Variants in SINHCAF observed in about 807,000 individuals in gnomAD.
The protein encoded by SINHCAF is SIN3-HDAC complex-associated factor.
SINHCAF carries 3 observed loss-of-function variants against 25.8 expected under a neutral mutation model. That is an observed-to-expected ratio of 0.12 (90% CI 0.05 to 0.30). The LOEUF (loss-of-function observed/expected upper bound fraction) is 0.30, where lower values mean the gene tolerates loss of function less well. Ranked by LOEUF, SINHCAF falls within the 10% of genes least tolerant of loss-of-function variation. The pLI, the probability that SINHCAF is intolerant of heterozygous loss-of-function variation, is 1.00. For missense variants in SINHCAF, 121 were observed against 262.3 expected (o/e 0.46, Z 3.72); for synonymous variants, 70 against 85.5 (o/e 0.82, Z 1.00).
At chr12:31,307,926 T>A (rs574363491) in intron 1 of SINHCAF, among the ~76,000 whole-genome samples, 1 of 152,116 alleles carries the variant, frequency 6.6e-6, no homozygotes, top group Non-Finnish European at 1.5e-5. Context: ...TTTGGGTGTC[T>A]TATTGCTGGG....
chr12:31,310,505 G>C (rs998883561), intron 1 of SINHCAF, among the ~76,000 whole-genome samples: 1 of 152,126 alleles, frequency 6.6e-6, no homozygotes, highest in Non-Finnish European at 1.5e-5. Context: ...ACAGACAAGG[G>C]GAGAAGAGTT....
chr12:31,311,279 T>A lies in SINHCAF; in HGVS notation c.-20-13055A>T, dbSNP rs1218767422. Reference sequence around the variant, plus strand: ...TCATACTGGATTTTCAGGAACAAGATCTGTTAGGGGATCCAACCACACTGT... The same window carrying A: ...TCATACTGGATTTTCAGGAACAAGAACTGTTAGGGGATCCAACCACACTGT... On this transcript the variant is annotated intron_variant, in intron 1 of 5. Transcript: ENST00000337682. Among the ~76,000 whole-genome samples, 4 of 152,302 alleles carry A rather than the reference T, an allele frequency of 2.6e-5. No homozygotes were observed. In the East Asian group the frequency reaches 7.7e-4, roughly 29 times the overall value.
chr12:31,307,545 A>T (rs1257655754), intron 1 of SINHCAF, among the ~76,000 whole-genome samples: 1 of 151,806 alleles, frequency 6.6e-6, no homozygotes. Context: ...ACAGAGCAAG[A>T]CCCTGTCTAA....
chr12:31,289,584 G>A (rs1417157235), intron 4 of SINHCAF, among the ~76,000 whole-genome samples: 1 of 152,170 alleles, frequency 6.6e-6, no homozygotes, highest in Admixed American at 6.5e-5. Context: ...CAGTCATTGT[G>A]CTATAAGGCT....
At chr12:31,296,838 AGAGT>A in intron 2 of SINHCAF, 1 of 259,728 alleles carries the variant, frequency 3.9e-6, no homozygotes, top group East Asian at 1.2e-4. Flanking sequence ...CCTGGGTGAC[AGAGT>A]GAGACTCTGT....
At chr12:31,315,260 G>C (rs1221260175) in intron 1 of SINHCAF, among the ~76,000 whole-genome samples, 1 of 152,224 alleles carries the variant, frequency 6.6e-6, no homozygotes, top group Non-Finnish European at 1.5e-5. Flanking sequence ...GGGTAGAAGA[G>C]AAAAGTTAAT....
At chr12:31,299,231 A>G (rs1035308693) in intron 1 of SINHCAF, among the ~76,000 whole-genome samples, 1 of 152,218 alleles carries the variant, frequency 6.6e-6, no homozygotes, top group South Asian at 2.1e-4. Flanking sequence ...CTAAACTCCA[A>G]TGGACAAGTC....
In SINHCAF at chr12:31,295,288, C is replaced by T. The variant is rs374172339; in HGVS notation, c.174G>A (p.Leu58=). The part of the protein sequence containing the change: ...RSGDICNACV[L]LVKRWKKLPA... ...GCAACTTCTTCCATCTTTTCACAAG[C>T]AGGACACAGGCATTGCAGATGTCTC... The change falls in exon 3 of 6, where the codon CTG becomes CTA. Residue 58 remains leucine, a synonymous_variant. Coordinates refer to ENST00000337682, the MANE Select transcript of SINHCAF (RefSeq NM_001135812.2). 64 of 1,610,094 alleles carry T rather than the reference C, an allele frequency of 4.0e-5. No homozygotes were observed. The highest frequency in any genetic ancestry group is 5.0e-5 in the Non-Finnish European group (59 of 1,178,956).
intron 5 of SINHCAF, among the ~76,000 whole-genome samples, chr12:31,287,053 A>T (rs1252075526): frequency 3.3e-5 from 5 of 152,188 alleles, no homozygotes; most frequent in Admixed American, 3.3e-4. Flanking sequence ...AAATGCTAGG[A>T]TTACAGGTGT....
rs567595058 is a variant in SINHCAF, at chr12:31,291,499, C to A, written c.355+2306G>T. 1.3e-4 allele frequency among the ~76,000 whole-genome samples: 20 copies of A among 152,322 alleles called. No individual in the cohort carries two copies. The South Asian group carries it at 4.1e-3, about 32-fold the overall frequency. ...GAATACAGGGCTGGGCACGGTGGCT[C>A]ACGCCTGAAATCCCAGGACTTTGGG... On this transcript the variant is annotated intron_variant, in intron 4 of 5. Coordinates refer to ENST00000337682, the MANE Select transcript of SINHCAF (RefSeq NM_001135812.2).
chr12:31,315,160 A>G (rs560438108), intron 1 of SINHCAF, among the ~76,000 whole-genome samples: 3 of 152,302 alleles, frequency 2.0e-5, no homozygotes, highest in African/African-American at 7.2e-5. Flanking sequence ...TTAAACAGGA[A>G]AATATGTGCG....
At position 31,308,902 on chromosome 12, in the gene SINHCAF, T is replaced by G. The variant is rs1045046961; in HGVS notation, c.-20-10678A>C. 6.6e-5 allele frequency among the ~76,000 whole-genome samples: 10 copies of G among 151,426 alleles called. No individual in the cohort carries two copies. In the East Asian group the frequency reaches 1.9e-3, roughly 29 times the overall value. ...CAGCACTTTGGGAGGCTGAGGCGGG[T>G]GGATCACTTGAGGTCAGGAGTTCGA... On this transcript the variant is annotated intron_variant, in intron 1 of 5. Coordinates refer to ENST00000337682, the MANE Select transcript of SINHCAF (RefSeq NM_001135812.2).
chr12:31,305,449 A>T (rs1484783065), intron 1 of SINHCAF, among the ~76,000 whole-genome samples: 1 of 152,152 alleles, frequency 6.6e-6, no homozygotes, highest in African/African-American at 2.4e-5. Flanking sequence ...TCTTCCAGTT[A>T]CAATTTCATG....
chr12:31,324,638 G>C lies in SINHCAF; in HGVS notation c.-21+1386C>G. On this transcript the variant is annotated intron_variant, in intron 1 of 5. Transcript: ENST00000337682. This position sits in a 1 kb window ranked among gnomAD's most constrained non-coding sequence, Gnocchi z 5.5. ...GGCCCCGAGCGCCGGGGGCCCGCACGGGCACATGCAGCCCTTTGTTTTCTG... is the reference window on the plus strand; with the variant it reads ...GGCCCCGAGCGCCGGGGGCCCGCACCGGCACATGCAGCCCTTTGTTTTCTG... The C allele has an allele frequency of 3.9e-6, 1 of 253,976 alleles. No individual in the cohort carries two copies. Among genetic ancestry groups the C allele is most frequent in the East Asian group, 1.2e-4 (1 of 8,386 alleles). The allele number at this position is 253,976 out of a possible 1,614,324, so 15.7% of individuals were successfully genotyped here. A position where few individuals can be genotyped will look rare whatever the true frequency, so the allele number is the denominator to read the frequency against.
chr12:31,295,155 A>G (rs1642707769), intron 3 of SINHCAF, 79 bp downstream of exon 3: 1 of 837,196 alleles, frequency 1.2e-6, no homozygotes, highest in Non-Finnish European at 1.9e-6. Context: ...GGGATATATT[A>G]CTTCCTAAAT....
At chr12:31,283,657 A>G (rs985105877) in intron 5 of SINHCAF, among the ~76,000 whole-genome samples, 12 of 152,094 alleles carry the variant, frequency 7.9e-5, no homozygotes, top group African/African-American at 1.4e-4. Flanking sequence ...TGACAACACA[A>G]TGAGAATGCC....
intron 1 of SINHCAF, among the ~76,000 whole-genome samples, chr12:31,315,066 T>A (rs1269295311): frequency 6.6e-6 from 1 of 152,238 alleles, no homozygotes; most frequent in African/African-American, 2.4e-5. Context: ...AGCTTGAGGA[T>A]GCGCACCCAG....
chr12:31,285,169 C>A lies in SINHCAF; in HGVS notation c.507-2298G>T, dbSNP rs189430342. Among the ~76,000 whole-genome samples the A allele has an allele frequency of 2.7e-3, 411 of 152,244 alleles. 2 individuals carry two copies. Among genetic ancestry groups the A allele is most frequent in the African/African-American group, 9.3e-3 (385 of 41,538 alleles). On this transcript the variant is annotated intron_variant, in intron 5 of 5. Coordinates refer to ENST00000337682, the MANE Select transcript of SINHCAF (RefSeq NM_001135812.2). ...TTGGGAGGCCAAGGCGAGCAGATCACCTGAGGTCAGGAGTTCACTATCAGC... is the reference window on the plus strand; with the variant it reads ...TTGGGAGGCCAAGGCGAGCAGATCAACTGAGGTCAGGAGTTCACTATCAGC...
intron 1 of SINHCAF, among the ~76,000 whole-genome samples, chr12:31,323,179 C>T (rs1939772295): frequency 6.6e-6 from 1 of 152,150 alleles, no homozygotes; most frequent in Non-Finnish European, 1.5e-5. Flanking sequence ...TCACGCATAC[C>T]TTTCGCCTAA....
Sources: allele counts gnomAD v4.1 joint callset (sites outside exome capture counted in the v4.1 genomes callset), GRCh38; gene constraint gnomAD v4.1.1; non-coding constraint Gnocchi (gnomAD v3.1); transcripts MANE v1.5; gene names NCBI Gene and HGNC (gene_info 2026-07-23, HGNC 2026-07-21).